The following ATG3 variants were observed in gnomAD, a reference collection of about 807,000 sequenced individuals.
The protein encoded by ATG3 is ubiquitin-like-conjugating enzyme ATG3.
In ATG3, 25 loss-of-function variants were observed where a neutral mutation model predicts 50.7. That is an observed-to-expected ratio of 0.49 (90% CI 0.36 to 0.69). ATG3 has a LOEUF of 0.69. ATG3 is among the 30% of genes least tolerant of loss of function. The pLI, the probability that ATG3 is intolerant of heterozygous loss-of-function variation, is 0.00. For missense variants in ATG3, 281 were observed against 376.0 expected, an observed-to-expected ratio of 0.75 and a Z score of 2.09; for synonymous variants, 119 against 125.5, an observed-to-expected ratio of 0.95 and a Z score of 0.34.
In ATG3 at chr3:112,534,344, G is replaced by T; in HGVS notation, c.795-7C>A. 8.0e-7 allele frequency: 1 copy of T among 1,256,682 alleles called. No homozygotes were observed. The allele number at this position is 1,256,682 out of a possible 1,614,324, so 77.8% of individuals were successfully genotyped here. A position where few individuals can be genotyped will look rare whatever the true frequency, so the allele number is the denominator to read the frequency against. The stretch of plus-strand genomic sequence containing the variant: ...CTTCATCACCTCAGCATGCCTAGAA[G>T]CCAAAAAAAAAAAAAATTGTTAATG... On this transcript the variant is annotated splice_polypyrimidine_tract_variant and splice_region_variant and intron_variant, in intron 10 of 11. Transcript: ENST00000283290.
At chr3:112,542,708 T>C (rs1350235810) in intron 6 of ATG3, among the ~76,000 whole-genome samples, 1 of 152,076 alleles carries the variant, frequency 6.6e-6, no homozygotes, top group Non-Finnish European at 1.5e-5. Flanking sequence ...TTTCATCATA[T>C]TGGTGATATT....
intron 3 of ATG3, 34 bp from the exon 4 acceptor site, chr3:112,550,296 A>T: frequency 6.6e-7 from 1 of 1,508,842 alleles, no homozygotes. Context: ...AAAATACAAA[A>T]CATATTTTAA....
At chr3:112,544,231 G>C (rs1396751852) in intron 5 of ATG3, 125 bp from the exon 6 acceptor site, 8 of 715,288 alleles carry the variant, frequency 1.1e-5, no homozygotes, top group Admixed American at 2.7e-5. Context: ...GCAAATAATA[G>C]TAGTATCTTT....
chr3:112,535,871 T>G (rs1174050919), intron 10 of ATG3: 1 of 152,256 alleles, frequency 6.6e-6, no homozygotes, highest in African/African-American at 2.4e-5. Context: ...GTAGTAACTG[T>G]TTTTTAAGAA....
At chr3:112,556,289 C>T (rs538411546) in intron 2 of ATG3, among the ~76,000 whole-genome samples, 26 of 152,302 alleles carry the variant, frequency 1.7e-4, no homozygotes, top group African/African-American at 5.5e-4. Flanking sequence ...AGGTGAGGGG[C>T]GCCTCTGCCT....
chr3:112,556,054 G>C (rs531989185), intron 2 of ATG3, among the ~76,000 whole-genome samples: 2 of 149,832 alleles, frequency 1.3e-5, no homozygotes, highest in African/African-American at 5.1e-5. Context: ...TTCAGATAAA[G>C]AGCCATGTTC....
intron 6 of ATG3, among the ~76,000 whole-genome samples, chr3:112,543,363 T>C (rs2638019): frequency 0.15 from 22,716 of 152,046 alleles, 3,886 homozygotes; most frequent in African/African-American, 0.41. Flanking sequence ...AATGAAAAGC[T>C]AATCTAATAC....
At chr3:112,561,094 T>G (rs1267112234) in intron 1 of ATG3, among the ~76,000 whole-genome samples, 1 of 152,200 alleles carries the variant, frequency 6.6e-6, no homozygotes, top group East Asian at 1.9e-4. Flanking sequence ...ATTCATTTTT[T>G]AAAGAGAAGC....
In ATG3 at chr3:112,536,394, T is replaced by C. The variant is rs150011474; in HGVS notation, c.794+81A>G. On this transcript the variant is annotated intron_variant, in intron 10 of 11. Coordinates refer to ENST00000283290, the MANE Select transcript of ATG3 (RefSeq NM_022488.5). ...AGAAAATTTTTTTCTGTTAGGGTTC[T>C]ATGTTTAAAGATTCTCAAGTAATAA... is the stretch of plus-strand genomic sequence containing the variant. 175 of 1,539,234 alleles carry C rather than the reference T, an allele frequency of 1.1e-4. No individual in the cohort carries two copies. The East Asian group carries it at 4.0e-3, about 35-fold the overall frequency.
chr3:112,561,667 G>C lies in ATG3; in HGVS notation c.-139C>G. The C allele has an allele frequency of 1.2e-6, 1 of 823,316 alleles. No homozygotes were observed. The highest frequency in any genetic ancestry group is 1.9e-6 in the Non-Finnish European group (1 of 535,748). The allele number at this position is 823,316 out of a possible 1,614,324, so 51.0% of individuals were successfully genotyped here. ...GGCAGCACCCGAGGGGACGGGACGCGACGCGACGGGACGGGCGGGACGAGG... is the reference window on the plus strand; with the variant it reads ...GGCAGCACCCGAGGGGACGGGACGCCACGCGACGGGACGGGCGGGACGAGG... On this transcript the variant is annotated 5_prime_UTR_variant, in exon 1 of 12. Transcript: ENST00000283290.
At chr3:112,556,275 C>A (rs999895046) in intron 2 of ATG3, among the ~76,000 whole-genome samples, 10 of 152,206 alleles carry the variant, frequency 6.6e-5, no homozygotes, top group Non-Finnish European at 1.2e-4. Context: ...CCGTCCCGTC[C>A]GGGAGGTGAG....
At chr3:112,533,866 T>C in intron 11 of ATG3, 8 of 998,982 alleles carry the variant, frequency 8.0e-6, no homozygotes, top group Non-Finnish European at 9.5e-6. Flanking sequence ...ACATTACTTT[T>C]AATTAACGTA....
At chr3:112,555,387 T>C (rs781414431) in intron 2 of ATG3, among the ~76,000 whole-genome samples, 64 of 152,196 alleles carry the variant, frequency 4.2e-4, no homozygotes, top group Non-Finnish European at 6.8e-4. Flanking sequence ...TCTTATTATC[T>C]TTATTATCAG....
At chr3:112,549,977 T>C (rs569738464) in intron 4 of ATG3, among the ~76,000 whole-genome samples, 1 of 152,136 alleles carries the variant, frequency 6.6e-6, no homozygotes, top group East Asian at 1.9e-4. Context: ...GAAAGATTAT[T>C]ATGAAGCCAA....
intron 9 of ATG3, 145 bp downstream of exon 9, chr3:112,537,590 G>A: frequency 1.8e-6 from 1 of 552,834 alleles, no homozygotes; most frequent in Non-Finnish European, 2.9e-6. Flanking sequence ...AAAGAATCAA[G>A]TTCAACATTA....
At chr3:112,544,383 C>T (rs541731584) in intron 5 of ATG3, among the ~76,000 whole-genome samples, 47 of 152,204 alleles carry the variant, frequency 3.1e-4, no homozygotes, top group African/African-American at 9.2e-4. Context: ...TGGCCAGGTG[C>T]GGTGGATCAC....
intron 10 of ATG3, chr3:112,536,246 G>A: frequency 2.1e-6 from 1 of 469,406 alleles, no homozygotes; most frequent in Non-Finnish European, 3.8e-6. Flanking sequence ...CACCCACAGA[G>A]AACAAAAAAA....
chr3:112,538,425 T>G, intron 7 of ATG3: 1 of 410,390 alleles, frequency 2.4e-6, no homozygotes, highest in Non-Finnish European at 4.4e-6. Flanking sequence ...GGCTCCACAG[T>G]GTACACAAGC....
intron 3 of ATG3, 53 bp downstream of exon 3, chr3:112,553,227 T>C (rs1353814333): frequency 2.0e-6 from 3 of 1,494,280 alleles, no homozygotes; most frequent in Non-Finnish European, 2.8e-6. Context: ...ATTGCTATAA[T>C]TCTGAAGCCA....
Sources: gnomAD v4.1 joint callset for allele counts (sites outside exome capture counted in the v4.1 genomes callset) on GRCh38, gnomAD v4.1.1 for gene constraint, MANE v1.5 for transcripts, NCBI Gene and HGNC (gene_info 2026-07-23, HGNC 2026-07-21) for gene names.